The following DOCK4 variants were observed in gnomAD, a reference collection of about 807,000 sequenced individuals.
DOCK4 encodes the protein dedicator of cytokinesis 4, also known as dedicator of cytokinesis protein 4.
In DOCK4, 97 loss-of-function variants were observed where a neutral mutation model predicts 268.1. The observed-to-expected ratio is 0.36, with a 90% CI of 0.31 to 0.43. The LOEUF (loss-of-function observed/expected upper bound fraction) is 0.43. DOCK4 is among the 20% of genes least tolerant of loss of function. The pLI is 1.00. For missense variants in DOCK4, 2,145 were observed against 2,455.7 expected, an observed-to-expected ratio of 0.87 and a Z score of 2.67; for synonymous variants, 954 against 887.2, an observed-to-expected ratio of 1.08 and a Z score of -1.34.
At chr7:111,822,788 T>G (rs555403415) in intron 26 of DOCK4, among the ~76,000 whole-genome samples, 1 of 152,380 alleles carries the variant, frequency 6.6e-6, no homozygotes, top group South Asian at 2.1e-4. Flanking sequence ...TTTCTTCTAT[T>G]ATAGCATCTT....
chr7:112,104,139 G>T (rs1586829967), intron 1 of DOCK4, among the ~76,000 whole-genome samples: 1 of 152,132 alleles, frequency 6.6e-6, no homozygotes, highest in African/African-American at 2.4e-5. Flanking sequence ...CACACAGAAA[G>T]ATCTCTTTTT....
intron 11 of DOCK4, among the ~76,000 whole-genome samples, chr7:111,936,752 C>T (rs1794779124): frequency 6.6e-6 from 1 of 152,166 alleles, no homozygotes; most frequent in Admixed American, 6.5e-5. Flanking sequence ...TCCCACAGCG[C>T]AGGTTCTGTT....
chr7:112,036,123 G>A (rs914259307), intron 1 of DOCK4, among the ~76,000 whole-genome samples: 5 of 152,008 alleles, frequency 3.3e-5, no homozygotes, highest in Admixed American at 2.0e-4. Flanking sequence ...ATTAAATCCA[G>A]CTAATCTGCA....
chr7:111,895,486 C>A (rs1808667492), intron 16 of DOCK4, 126 bp downstream of exon 16: 2 of 834,240 alleles, frequency 2.4e-6, no homozygotes, highest in East Asian at 2.4e-5. Context: ...AGACATTCTC[C>A]CTGACAGCAA....
intron 1 of DOCK4, among the ~76,000 whole-genome samples, chr7:112,203,905 A>G (rs1228884412): frequency 1.3e-5 from 2 of 151,946 alleles, no homozygotes; most frequent in Non-Finnish European, 2.9e-5. Flanking sequence ...TAAGCATTCC[A>G]CAATCCAAAT....
intron 1 of DOCK4, among the ~76,000 whole-genome samples, chr7:112,058,429 T>C (rs1806046679): frequency 6.6e-6 from 1 of 152,188 alleles, no homozygotes; most frequent in African/African-American, 2.4e-5. Flanking sequence ...TTAAATTTAA[T>C]TTGTGACCTT....
At chr7:111,851,142 A>T (rs1275553969) in intron 23 of DOCK4, among the ~76,000 whole-genome samples, 1 of 152,134 alleles carries the variant, frequency 6.6e-6, no homozygotes, top group East Asian at 1.9e-4. Context: ...GCAAAGGCTA[A>T]AGGTATAAAA....
intron 36 of DOCK4, among the ~76,000 whole-genome samples, chr7:111,775,382 C>T (rs1204109168): frequency 6.6e-6 from 1 of 152,172 alleles, no homozygotes; most frequent in African/African-American, 2.4e-5. Flanking sequence ...TTAAAGGGTT[C>T]TGCTTAAGAT....
At chr7:112,020,938 C>G (rs1448558353) in intron 1 of DOCK4, among the ~76,000 whole-genome samples, 2 of 152,148 alleles carry the variant, frequency 1.3e-5, no homozygotes, top group African/African-American at 4.8e-5. Flanking sequence ...ACTTATCCAA[C>G]TATTTGTACT....
intron 37 of DOCK4, 90 bp downstream of exon 37, chr7:111,769,439 A>T: frequency 6.7e-7 from 1 of 1,487,668 alleles, no homozygotes; most frequent in Non-Finnish European, 9.2e-7. Context: ...CTGCTTAAGG[A>T]GGTGGGCATT....
At chr7:111,767,192 G>T in intron 37 of DOCK4, 74 bp from the exon 38 acceptor site, 2 of 1,166,466 alleles carry the variant, frequency 1.7e-6, no homozygotes, top group Non-Finnish European at 2.5e-6. Context: ...GTCAGAACAT[G>T]AGTGCTTTCA....
intron 1 of DOCK4, among the ~76,000 whole-genome samples, chr7:112,073,254 T>C (rs1447712496): frequency 6.6e-6 from 1 of 152,152 alleles, no homozygotes; most frequent in African/African-American, 2.4e-5. Flanking sequence ...TGCAGACCTG[T>C]ATAGATTCCC....
At chr7:112,108,502 A>G (rs1179797250) in intron 1 of DOCK4, among the ~76,000 whole-genome samples, 1 of 152,208 alleles carries the variant, frequency 6.6e-6, no homozygotes, top group East Asian at 1.9e-4. Context: ...TTACACCATT[A>G]ATTACACTAC....
chr7:112,167,694 C>T (rs1042631482), intron 1 of DOCK4, among the ~76,000 whole-genome samples: 47 of 152,124 alleles, frequency 3.1e-4, no homozygotes, highest in African/African-American at 1.1e-3. Context: ...GTATTATTTC[C>T]TTAATTGCTA....
intron 13 of DOCK4, among the ~76,000 whole-genome samples, chr7:111,908,958 T>A (rs1791852337): frequency 1.3e-5 from 2 of 152,180 alleles, no homozygotes; most frequent in Non-Finnish European, 2.9e-5. Context: ...TGGTTCCTAG[T>A]CTTTGCTGTT....
chr7:111,862,482 CTTTTTTT>C (rs1168060750), intron 23 of DOCK4, among the ~76,000 whole-genome samples: 1,317 of 83,360 alleles, frequency 0.016, 19 homozygotes, highest in African/African-American at 0.064. Context: ...GAAAATCATT[CTTTTTTT>C]TTTTTTTTTT....
At position 111,727,098 on chromosome 7, in the gene DOCK4, T is replaced by G. The variant is rs1342793827; in HGVS notation, c.*1176A>C. The G allele has an allele frequency of 6.5e-6, 1 of 152,674 alleles. No homozygotes were observed. The highest frequency in any genetic ancestry group is 1.5e-5 in the Non-Finnish European group (1 of 68,032). 9.5% of individuals were successfully genotyped at this position (152,674 alleles called of 1,614,324 possible). On this transcript the variant is annotated 3_prime_UTR_variant, in exon 53 of 53. Transcript: ENST00000428084. ...CAAAGATATAAAATACATTACTACA[T>G]ACAAGGTGCTTTTTTCACACTTCTA...
At chr7:111,758,286 AAATG>A (rs1797168764) in intron 41 of DOCK4, among the ~76,000 whole-genome samples, 1 of 152,212 alleles carries the variant, frequency 6.6e-6, no homozygotes, top group Admixed American at 6.5e-5. Flanking sequence ...GGTTCAACAT[AAATG>A]AATAAGAGGA....
rs1317653307 is a variant in DOCK4 at position 111,726,232 on chromosome 7, T to A, written c.*2042A>T. On this transcript the variant is annotated 3_prime_UTR_variant, in exon 53 of 53. Coordinates refer to ENST00000428084, the MANE Select transcript of DOCK4 (RefSeq NM_001363540.2). Reference sequence around the variant, plus strand: ...TAGCTGCTTCAGAAATACACACACATGATAAATTCAAGATAAATTCAACTG... The same window carrying A: ...TAGCTGCTTCAGAAATACACACACAAGATAAATTCAAGATAAATTCAACTG... The A allele has an allele frequency of 1.3e-5, 2 of 152,750 alleles. No individual in the cohort carries two copies. The highest frequency in any genetic ancestry group is 3.8e-4 in the East Asian group (2 of 5,196). The allele number at this position is 152,750 out of a possible 1,614,324, so 9.5% of individuals were successfully genotyped here. A position where few individuals can be genotyped will look rare whatever the true frequency, so the allele number is the denominator to read the frequency against.
Sources: allele counts gnomAD v4.1 joint callset (sites outside exome capture counted in the v4.1 genomes callset), GRCh38; gene constraint gnomAD v4.1.1; transcripts MANE v1.5; gene names NCBI Gene and HGNC (gene_info 2026-07-23, HGNC 2026-07-21).